Variants in BOC observed in about 807,000 individuals in gnomAD.
BOC encodes the protein BOC cell adhesion associated, oncogene regulated, also known as brother of CDO.
BOC carries 76 observed loss-of-function variants against 112.0 expected under a neutral mutation model. That is an observed-to-expected ratio of 0.68 (90% CI 0.56 to 0.82). The LOEUF (loss-of-function observed/expected upper bound fraction) is 0.82, where lower values mean the gene tolerates loss of function less well. BOC is among the 40% of genes least tolerant of loss of function. BOC has a pLI of 0.00. For missense variants in BOC, 1,309 were observed against 1,511.7 expected, an observed-to-expected ratio of 0.87 and a Z score of 2.22; for synonymous variants, 580 against 599.8, an observed-to-expected ratio of 0.97 and a Z score of 0.48.
chr3:113,274,037 G>A lies in BOC; in HGVS notation c.1235-338G>A, dbSNP rs1334759631. Among the ~76,000 whole-genome samples the A allele has an allele frequency of 6.6e-6, 1 of 152,204 alleles. No homozygotes were observed. Among genetic ancestry groups the A allele is most frequent in the Non-Finnish European group, 1.5e-5 (1 of 68,032 alleles). On this transcript the variant is annotated intron_variant, in intron 8 of 19. Coordinates refer to ENST00000682979, the MANE Select transcript of BOC (RefSeq NM_001378074.1). The surrounding 1 kb of genome is among the most constrained non-coding windows in gnomAD (Gnocchi z 4.8). Reference sequence around the variant, plus strand: ...GGGACATGTCCCCACCTCCAGCCTAGACCGAGAAGGAAGGCGCAGGGTTCC... The same window carrying A: ...GGGACATGTCCCCACCTCCAGCCTAAACCGAGAAGGAAGGCGCAGGGTTCC...
chr3:113,253,029 T>C (rs1945825938), intron 4 of BOC, among the ~76,000 whole-genome samples: 1 of 152,192 alleles, frequency 6.6e-6, no homozygotes, highest in Non-Finnish European at 1.5e-5. Context: ...CTTTGATATT[T>C]CCACATTATA....
intron 2 of BOC, among the ~76,000 whole-genome samples, chr3:113,246,589 A>G (rs1944945413): frequency 6.6e-6 from 1 of 152,202 alleles, no homozygotes; most frequent in Non-Finnish European, 1.5e-5. Flanking sequence ...CTTTCCCCAG[A>G]TACTAAATAA....
chr3:113,262,075 A>G (rs942354058), intron 4 of BOC: 1 of 152,130 alleles, frequency 6.6e-6, no homozygotes, highest in African/African-American at 2.4e-5. Flanking sequence ...GAGAAATTTC[A>G]TGTCATGTTT....
chr3:113,212,123 G>A (rs1288859430), intron 1 of BOC, 107 bp downstream of exon 1: 1 of 151,448 alleles, frequency 6.6e-6, no homozygotes, highest in Non-Finnish European at 1.5e-5. Flanking sequence ...GGCAGCGCCA[G>A]CGAGTGGCTG....
chr3:113,264,821 G>A (rs755834237), intron 4 of BOC, among the ~76,000 whole-genome samples: 3 of 152,186 alleles, frequency 2.0e-5, no homozygotes, highest in African/African-American at 7.2e-5. Context: ...GGCACGGGGG[G>A]AGGGGGGATA....
intron 2 of BOC, among the ~76,000 whole-genome samples, chr3:113,242,133 AAAG>A (rs956531212): frequency 6.6e-6 from 1 of 152,120 alleles, no homozygotes; most frequent in African/African-American, 2.4e-5. Flanking sequence ...AAAAAAAAAA[AAAG>A]AAAAGAGAAC....
At chr3:113,257,264 A>T (rs542562862) in intron 4 of BOC, among the ~76,000 whole-genome samples, 1 of 152,234 alleles carries the variant, frequency 6.6e-6, no homozygotes, top group East Asian at 1.9e-4. Context: ...CATGAGCTCC[A>T]TTCAAACCTC....
chr3:113,270,756 A>T lies in BOC; in HGVS notation c.524-45A>T, dbSNP rs712528. On this transcript the variant is annotated intron_variant, in intron 5 of 19. Coordinates refer to ENST00000682979, the MANE Select transcript of BOC (RefSeq NM_001378074.1). Reference sequence around the variant, plus strand: ...CTTTGTGGAAGCTGCAGAGTGAAGTATTCTGGACCCATCCCATCTTCCCCT... The same window carrying T: ...CTTTGTGGAAGCTGCAGAGTGAAGTTTTCTGGACCCATCCCATCTTCCCCT... The T allele has an allele frequency of 0.011, 17,031 of 1,572,410 alleles. 1,475 individuals are homozygous for T. In the African/African-American group the frequency reaches 0.19, roughly 18 times the overall value.
chr3:113,235,327 G>C (rs1943280546), intron 2 of BOC, among the ~76,000 whole-genome samples: 1 of 152,186 alleles, frequency 6.6e-6, no homozygotes, highest in Non-Finnish European at 1.5e-5. Flanking sequence ...AAGAGGGATG[G>C]AGAAAAAGAA....
Position 113,278,372 on chromosome 3 carries a change from T to C in BOC, c.1705+115T>C. 8.2e-7 allele frequency: 1 copy of C among 1,214,772 alleles called. No homozygotes were observed. Among genetic ancestry groups the C allele is most frequent in the Non-Finnish European group, 1.2e-6 (1 of 861,358 alleles). 75.2% of individuals were successfully genotyped at this position (1,214,772 alleles called of 1,614,324 possible). A position where few individuals can be genotyped will look rare whatever the true frequency, so the allele number is the denominator to read the frequency against. ...CCAGCTGTTCACCTTGAACTTCATCTTTCCTTCCAGCTACTGCCTCCTTGT... is the reference window on the plus strand; with the variant it reads ...CCAGCTGTTCACCTTGAACTTCATCCTTCCTTCCAGCTACTGCCTCCTTGT... On this transcript the variant is annotated intron_variant, in intron 10 of 19. Coordinates refer to ENST00000682979, the MANE Select transcript of BOC (RefSeq NM_001378074.1). The surrounding 1 kb of genome is among the most constrained non-coding windows in gnomAD (Gnocchi z 4.2).
intron 2 of BOC, among the ~76,000 whole-genome samples, chr3:113,233,148 G>GGGGGTGTGTGTGTGTGTGT: frequency 8.1e-6 from 1 of 124,030 alleles, no homozygotes; most frequent in South Asian, 3.0e-4. Context: ...AAAGGATTGG[G>GGGGGTGTGTGTGTGTGTGT]GTGTGTGTGT....
Position 113,281,039 on chromosome 3 carries a change from T to TGCTGTTTCC in BOC, c.2320_2321insGCTGTTTCC (p.Tyr774delinsCysCysPheHis). ...CTGACTCTGTTTCCCAGGGGACAAGTACTGGCACTCCATCAGCCACCTGCA... is the reference window on the plus strand; with the variant it reads ...CTGACTCTGTTTCCCAGGGGACAAGTGCTGTTTCCACTGGCACTCCATCAGCCACCTGCA... On this transcript the variant is annotated protein_altering_variant, in exon 15 of 20. Coordinates refer to ENST00000682979, the MANE Select transcript of BOC (RefSeq NM_001378074.1). 3.1e-6 allele frequency: 5 copies of TGCTGTTTCC among 1,614,068 alleles called. No homozygotes were observed. Among genetic ancestry groups the TGCTGTTTCC allele is most frequent in the Non-Finnish European group, 4.2e-6 (5 of 1,180,018 alleles).
chr3:113,284,828 G>GTTGCCTCA lies in BOC; in HGVS notation c.2936_2937insTTGCCTCA (p.Tyr980CysfsTer58). 6.2e-7 allele frequency: 1 copy of GTTGCCTCA among 1,614,194 alleles called. No homozygotes were observed. The highest frequency in any genetic ancestry group is 1.7e-5 in the Admixed American group (1 of 60,030). The stretch of plus-strand genomic sequence containing the variant: ...CTGAGGCAGACCCATCTTGGCAATG[G>GTTGCCTCA]ATATGACCCCCAAAGTCACCAGATC... On this transcript the variant is annotated frameshift_variant, in exon 18 of 20. Transcript: ENST00000682979. LOFTEE classifies it high-confidence loss of function.
At chr3:113,252,828 C>A (rs982263044) in intron 4 of BOC, among the ~76,000 whole-genome samples, 3 of 152,108 alleles carry the variant, frequency 2.0e-5, no homozygotes, top group African/African-American at 7.2e-5. Flanking sequence ...GGGGAGCAGC[C>A]TGTGAGTGCT....
intron 4 of BOC, among the ~76,000 whole-genome samples, chr3:113,261,025 G>T (rs1946815615): frequency 1.3e-5 from 2 of 152,128 alleles, no homozygotes; most frequent in African/African-American, 2.4e-5. Flanking sequence ...ATTTTGGAGT[G>T]GGTGGATGGG....
intron 6 of BOC, chr3:113,271,478 C>T (rs1041029931): frequency 1.9e-5 from 6 of 310,074 alleles, no homozygotes; most frequent in Non-Finnish European, 3.8e-5. Flanking sequence ...TTGCCTGGAT[C>T]CCTGCCAATT....
rs748446216 is a variant in BOC at position 113,272,403 on chromosome 3, C to T, written c.668-7C>T. The T allele has an allele frequency of 3.1e-6, 5 of 1,611,912 alleles. No individual in the cohort carries two copies. The highest frequency in any genetic ancestry group is 4.2e-6 in the Non-Finnish European group (5 of 1,178,304). On this transcript the variant is annotated splice_region_variant and splice_polypyrimidine_tract_variant and intron_variant, in intron 6 of 19. Transcript: ENST00000682979. ...GCCTTCTGTCCTTGCCCTCCTTGCCCCTCCAGGCTCCACCGCTGAGGCTGC... is the reference window on the plus strand; with the variant it reads ...GCCTTCTGTCCTTGCCCTCCTTGCCTCTCCAGGCTCCACCGCTGAGGCTGC...
intron 2 of BOC, among the ~76,000 whole-genome samples, chr3:113,243,669 C>G (rs1310210856): frequency 6.6e-6 from 1 of 152,158 alleles, no homozygotes; most frequent in Non-Finnish European, 1.5e-5. Context: ...CCCCACCCTG[C>G]AAACACAAGA....
intron 4 of BOC, among the ~76,000 whole-genome samples, chr3:113,259,389 C>T (rs1239635517): frequency 6.6e-6 from 1 of 152,182 alleles, no homozygotes; most frequent in Admixed American, 6.5e-5. Context: ...TTTGAGGAGC[C>T]TTTTGCACCA....
Sources: allele counts gnomAD v4.1 joint callset (sites outside exome capture counted in the v4.1 genomes callset), GRCh38; gene constraint gnomAD v4.1.1; non-coding constraint Gnocchi (gnomAD v3.1); transcripts MANE v1.5; gene names NCBI Gene and HGNC (gene_info 2026-07-23, HGNC 2026-07-21).